HSP90AB1: variants seen among roughly 807,000 people sequenced by gnomAD.
The protein encoded by HSP90AB1 is heat shock protein HSP 90-beta.
HSP90AB1 carries 17 observed loss-of-function variants against 67.8 expected under a neutral mutation model. The observed-to-expected ratio is 0.25, with a 90% confidence interval of 0.17 to 0.38. HSP90AB1 has a LOEUF of 0.38. Ranked by LOEUF, HSP90AB1 falls within the 10% of genes least tolerant of loss-of-function variation. HSP90AB1 has a pLI of 1.00. For synonymous variants in HSP90AB1, 390 were observed against 312.9 expected (o/e 1.25, Z -2.60); for missense variants, 690 against 899.9 (o/e 0.77, Z 2.98).
chr6:44,252,207 G>A lies in HSP90AB1; in HGVS notation c.1671G>A (p.Lys557=). Residue 557 remains lysine, a synonymous_variant, in exon 10 of 12, where the codon AAG becomes AAA. Transcript: ENST00000371646. ...EEEKKKMEES[K]AKFENLCKLM... is the part of the protein sequence containing the mutation. Reference sequence around the variant, plus strand: ...AGAAGAAGAAGATGGAAGAGAGCAAGGCAAAGTTTGAGAACCTCTGCAAGC... The same window carrying A: ...AGAAGAAGAAGATGGAAGAGAGCAAAGCAAAGTTTGAGAACCTCTGCAAGC... 1.2e-6 allele frequency: 2 copies of A among 1,614,190 alleles called. No homozygotes were observed. The highest frequency in any genetic ancestry group is 1.6e-4 in the Middle Eastern group (1 of 6,062).
chr6:44,252,083 C>G lies in HSP90AB1; in HGVS notation c.1547C>G (p.Pro516Arg). The G allele has an allele frequency of 6.2e-7, 1 of 1,614,076 alleles. No individual in the cohort carries two copies. Among genetic ancestry groups the G allele is most frequent in the Non-Finnish European group, 8.5e-7 (1 of 1,180,014 alleles). The change falls in exon 10 of 12, where the codon CCC becomes CGC. Residue 516 changes from proline (P) to arginine (R), a missense_variant. This residue lies in a region of HSP90AB1 where 206 missense variants were observed against 221.4 expected (regional missense o/e 0.93). Transcript: ENST00000371646. Reference protein sequence around the residue: ...RGFEVVYMTEPIDEYCVQQLK... With the variant: ...RGFEVVYMTERIDEYCVQQLK... Reference sequence around the variant, plus strand: ...TTCGAGGTGGTATATATGACCGAGCCCATTGACGAGTACTGTGTGCAGCAG... The same window carrying G: ...TTCGAGGTGGTATATATGACCGAGCGCATTGACGAGTACTGTGTGCAGCAG...
chr6:44,248,812 T>C (rs746755826), intron 2 of HSP90AB1, 36 bp downstream of exon 2: 43 of 1,586,794 alleles, frequency 2.7e-5, no homozygotes, highest in South Asian at 1.6e-4. Flanking sequence ...GCATGGTTTT[T>C]TTTTTTGATA....
In HSP90AB1 at chr6:44,253,398, G is replaced by A; in HGVS notation, c.2065+20G>A. ...GTCTAGGTAAGTAGCTTTGGTACTTGGTGTGGCAAGGAGTTTGTGCAACTC... is the reference window on the plus strand; with the variant it reads ...GTCTAGGTAAGTAGCTTTGGTACTTAGTGTGGCAAGGAGTTTGTGCAACTC... On this transcript the variant is annotated intron_variant, in intron 11 of 11. Coordinates refer to ENST00000371646, the MANE Select transcript of HSP90AB1 (RefSeq NM_007355.4). 1 of 1,603,684 alleles carries A rather than the reference G, an allele frequency of 6.2e-7. No individual in the cohort carries two copies. The highest frequency in any genetic ancestry group is 8.5e-7 in the Non-Finnish European group (1 of 1,172,376).
chr6:44,253,534 T>C lies in HSP90AB1; in HGVS notation c.2111T>C (p.Val704Ala), dbSNP rs1241566296. ...GCAGCAGAGGAACCCAATGCTGCAG[T>C]TCCTGATGAGATCCCCCCTCTCGAG... ...EVAAEEPNAA[V>A]PDEIPPLEGD... The change falls in exon 12 of 12, where the codon GTT becomes GCT. Residue 704 changes from valine to alanine, a missense_variant. Physicochemically the swap from Val to Ala is moderately conservative, Grantham distance 64. Coordinates refer to ENST00000371646, the MANE Select transcript of HSP90AB1 (RefSeq NM_007355.4). The C allele has an allele frequency of 6.2e-7, 1 of 1,614,190 alleles. No homozygotes were observed. The highest frequency in any genetic ancestry group is 1.1e-5 in the South Asian group (1 of 91,084).
At chr6:44,247,721 C>G (rs374104660) in intron 1 of HSP90AB1, 1 of 152,256 alleles carries the variant, frequency 6.6e-6, no homozygotes, top group Non-Finnish European at 1.5e-5. Flanking sequence ...CCCGATACTC[C>G]CTCCTTCCAG....
intron 10 of HSP90AB1, among the ~76,000 whole-genome samples, 174 bp from the exon 11 acceptor site, chr6:44,252,871 G>C (rs1382825267): frequency 6.6e-6 from 1 of 151,270 alleles, no homozygotes; most frequent in Non-Finnish European, 1.5e-5. Flanking sequence ...TTACAGATGT[G>C]TGCTACCACA....
In HSP90AB1 at chr6:44,249,660, T is replaced by A; in HGVS notation, c.355-15T>A. ...CTTCTTTAAAACTTGTGATTGACTT[T>A]AAACTTGTTGGCAGGCTGGTGCAGA... On this transcript the variant is annotated splice_polypyrimidine_tract_variant and intron_variant, in intron 3 of 11. Coordinates refer to ENST00000371646, the MANE Select transcript of HSP90AB1 (RefSeq NM_007355.4). The A allele has an allele frequency of 6.2e-7, 1 of 1,612,422 alleles. No homozygotes were observed. The highest frequency in any genetic ancestry group is 8.5e-7 in the Non-Finnish European group (1 of 1,178,822).
At chr6:44,247,094 A>G (rs1013313867), upstream of HSP90AB1, 2 of 152,382 alleles carry the variant, frequency 1.3e-5, no homozygotes, top group African/African-American at 2.4e-5. Flanking sequence ...TGGGGCACGC[A>G]GTAGCTCTCT....
At chr6:44,252,490 ATT>A in intron 10 of HSP90AB1, among the ~76,000 whole-genome samples, 1 of 149,592 alleles carries the variant, frequency 6.7e-6, no homozygotes, top group Non-Finnish European at 1.5e-5. Flanking sequence ...AAATACCATC[ATT>A]TTCTTTTTTT....
In HSP90AB1 at chr6:44,249,796, C is replaced by T; in HGVS notation, c.476C>T (p.Ser159Phe). 6.2e-7 allele frequency: 1 copy of T among 1,612,942 alleles called. No homozygotes were observed. Among genetic ancestry groups the T allele is most frequent in the Non-Finnish European group, 8.5e-7 (1 of 1,179,366 alleles). The change falls in exon 4 of 12, where the codon TCT (serine) becomes TTT (phenylalanine). Residue 159 changes from serine (S) to phenylalanine (F), a missense_variant. By Grantham distance (155) the Ser-to-Phe change is radical. This residue lies in a region of HSP90AB1 where 146 missense variants were observed against 143.7 expected (regional missense o/e 1.02). Transcript: ENST00000371646. ...HNDDEQYAWE[S>F]SAGGSFTVRA... ...GATGATGAACAGTATGCTTGGGAGTCTTCTGCTGGAGGTTCCTTCACTGTG... is the reference window on the plus strand; with the variant it reads ...GATGATGAACAGTATGCTTGGGAGTTTTCTGCTGGAGGTTCCTTCACTGTG...
rs1423400374 is a variant in HSP90AB1 at position 44,248,688 on chromosome 6, A to T, written c.59A>T (p.Glu20Val). The change falls in exon 2 of 12, where the codon GAA becomes GTA. Residue 20 changes from glutamate to valine, a missense_variant. Glu to Val is a moderately radical substitution (Grantham distance 121). Coordinates refer to ENST00000371646, the MANE Select transcript of HSP90AB1 (RefSeq NM_007355.4). ...EEVETFAFQAEIAQLMSLIIN... is the reference protein window; with the variant it reads ...EEVETFAFQAVIAQLMSLIIN... ...GTGGAGACTTTTGCCTTTCAGGCAG[A>T]AATTGCCCAACTCATGTCCCTCATC... is the stretch of plus-strand genomic sequence containing the variant. The T allele has an allele frequency of 6.2e-7, 1 of 1,613,934 alleles. No individual in the cohort carries two copies. Among genetic ancestry groups the T allele is most frequent in the African/African-American group, 1.3e-5 (1 of 74,950 alleles).
At position 44,249,482 on chromosome 6, in the gene HSP90AB1, A is replaced by T. The variant is rs1158696258; in HGVS notation, c.253A>T (p.Thr85Ser). Residue 85 changes from threonine to serine, a missense_variant, in exon 3 of 12, where the codon ACT becomes TCT. By Grantham distance (58) the Thr-to-Ser change is moderately conservative. Around this residue, in one of 7 missense-constraint regions of HSP90AB1, gnomAD observed 88 missense variants for 167.7 expected, o/e 0.52. Transcript: ENST00000371646. ...IIPNPQERTL[T>S]LVDTGIGMTK... ...CCCCAACCCTCAGGAACGTACCCTG[A>T]CTTTGGTAGACACAGGCATTGGCAT... The T allele has an allele frequency of 6.2e-6, 10 of 1,614,106 alleles. No individual in the cohort carries two copies. In the South Asian group the frequency reaches 1.1e-4, roughly 18 times the overall value.
intron 10 of HSP90AB1, 124 bp downstream of exon 10, chr6:44,252,391 T>C (rs1780760251): frequency 3.5e-6 from 3 of 856,174 alleles, no homozygotes; most frequent in South Asian, 1.7e-5. Context: ...TTCTTGCCTC[T>C]TGTTCTCTTC....
chr6:44,246,848 C>T (rs1395315641), upstream of HSP90AB1, among the ~76,000 whole-genome samples: 5 of 152,186 alleles, frequency 3.3e-5, no homozygotes, highest in Admixed American at 3.3e-4. Context: ...ATGAGCACTC[C>T]TCATCCCCGC....
rs1414852852 is a variant in HSP90AB1 at position 44,253,298 on chromosome 6, C to T, written c.1985C>T (p.Ala662Val). Reference sequence around the variant, plus strand: ...CTGGTGGTGCTGCTGTTTGAAACCGCCCTGCTATCTTCTGGCTTTTCCCTT... The same window carrying T: ...CTGGTGGTGCTGCTGTTTGAAACCGTCCTGCTATCTTCTGGCTTTTCCCTT... ...KDLVVLLFETALLSSGFSLED... is the reference protein window; with the variant it reads ...KDLVVLLFETVLLSSGFSLED... The change falls in exon 11 of 12, where the codon GCC (alanine) becomes GTC (valine). Residue 662 changes from alanine to valine, a missense_variant. Physicochemically the swap from Ala to Val is moderately conservative, Grantham distance 64. Around this residue, in one of 7 missense-constraint regions of HSP90AB1, gnomAD observed 120 missense variants for 153.5 expected, o/e 0.78. Coordinates refer to ENST00000371646, the MANE Select transcript of HSP90AB1 (RefSeq NM_007355.4). 1 of 1,614,090 alleles carries T rather than the reference C, an allele frequency of 6.2e-7. No individual in the cohort carries two copies. The highest frequency in any genetic ancestry group is 1.3e-5 in the African/African-American group (1 of 74,918).
intron 2 of HSP90AB1, 31 bp from the exon 3 acceptor site, chr6:44,249,346 A>T (rs762413086): frequency 6.4e-7 from 1 of 1,571,008 alleles, no homozygotes; most frequent in Non-Finnish European, 8.8e-7. Context: ...TCTTGGAAAG[A>T]GCAAAAGTAA....
intron 6 of HSP90AB1, 72 bp from the exon 7 acceptor site, chr6:44,250,975 CT>C (rs1287008167): frequency 7.6e-7 from 1 of 1,320,894 alleles, no homozygotes; most frequent in Non-Finnish European, 1.1e-6. Flanking sequence ...CATTGTTCCA[CT>C]TTTAGATAAT....
chr6:44,251,632 TC>T (rs1419104394), intron 8 of HSP90AB1, 24 bp downstream of exon 8: 1 of 1,591,170 alleles, frequency 6.3e-7, no homozygotes, highest in Non-Finnish European at 8.6e-7. Flanking sequence ...TAATGCTTAT[TC>T]CCTTTACCAC....
At chr6:44,250,908 C>A in intron 6 of HSP90AB1, 140 bp from the exon 7 acceptor site, 1 of 752,570 alleles carries the variant, frequency 1.3e-6, no homozygotes, top group East Asian at 2.5e-5. Context: ...CATTAAGGCT[C>A]AGTTTTCTCA....
Sources: allele counts gnomAD v4.1 joint callset (sites outside exome capture counted in the v4.1 genomes callset), GRCh38; gene constraint gnomAD v4.1.1; regional missense constraint gnomAD v4.1.1; transcripts MANE v1.5; gene names NCBI Gene and HGNC (gene_info 2026-07-23, HGNC 2026-07-21).